Variants in SAMMSON observed in about 807,000 individuals in gnomAD.
SAMMSON encodes the protein long intergenic non-protein coding RNA 1212.
rs117503135 is a variant in SAMMSON, at chr3:70,377,262, T to C, written n.914-12312T>C. Among the ~76,000 whole-genome samples, 276 of 152,276 alleles carry C rather than the reference T, an allele frequency of 1.8e-3. 4 individuals carry two copies. The East Asian group carries it at 0.05, about 27-fold the overall frequency. On this transcript the variant is annotated intron_variant and non_coding_transcript_variant, in intron 9 of 9. Transcript: ENST00000642114. ...AATTTCTAGAAATTAAGATCGGCTA[T>C]AATTTAGCCTGATGCTGGAAATAAT... is the stretch of plus-strand genomic sequence containing the variant.
Position 70,368,348 on chromosome 3 carries a change from G to A in SAMMSON, n.913+10024G>A, listed in dbSNP as rs1345256527. Among the ~76,000 whole-genome samples the A allele has an allele frequency of 2.0e-5, 3 of 151,422 alleles. No individual in the cohort carries two copies. In the East Asian group the frequency reaches 5.8e-4, roughly 29 times the overall value. ...TAATAGTAAATAAATAAAACTATAT[G>A]AGCAGCATGATGTCAATTAAGTTAA... On this transcript the variant is annotated intron_variant and non_coding_transcript_variant, in intron 9 of 9. Transcript: ENST00000642114.
chr3:70,224,575 A>G (rs1367080025), intron 4 of SAMMSON, among the ~76,000 whole-genome samples: 1 of 152,142 alleles, frequency 6.6e-6, no homozygotes, highest in Non-Finnish European at 1.5e-5. Flanking sequence ...AATGCTCACT[A>G]AGTGTCTGAC....
chr3:70,343,006 T>C (rs1475426701), intron 7 of SAMMSON, among the ~76,000 whole-genome samples: 2 of 152,184 alleles, frequency 1.3e-5, no homozygotes, highest in Non-Finnish European at 2.9e-5. Context: ...CCAAGGAAGA[T>C]AGAATTGGAG....
At chr3:70,192,202 A>AT (rs933864840) in intron 4 of SAMMSON, among the ~76,000 whole-genome samples, 6 of 152,142 alleles carry the variant, frequency 3.9e-5, no homozygotes, top group Non-Finnish European at 8.8e-5. Context: ...GGAAAGGAAA[A>AT]TTCCGGAGAG....
chr3:70,192,532 A>G (rs1438345815), intron 4 of SAMMSON, among the ~76,000 whole-genome samples: 3 of 152,134 alleles, frequency 2.0e-5, no homozygotes, highest in African/African-American at 7.2e-5. Flanking sequence ...ATTGTGGCCC[A>G]ATGAATGTCC....
At chr3:70,198,885 G>A (rs550012197) in intron 4 of SAMMSON, among the ~76,000 whole-genome samples, 2 of 152,226 alleles carry the variant, frequency 1.3e-5, no homozygotes, top group African/African-American at 4.8e-5. Flanking sequence ...AAATGCAAGA[G>A]TAAGTTAGTA....
At chr3:70,179,608 A>T (rs879899885) in intron 4 of SAMMSON, among the ~76,000 whole-genome samples, 2 of 152,224 alleles carry the variant, frequency 1.3e-5, no homozygotes, top group Non-Finnish European at 2.9e-5. Context: ...TTTATGGCAG[A>T]GGTGGGTCTT....
At chr3:70,208,773 A>G (rs1044950230) in intron 4 of SAMMSON, among the ~76,000 whole-genome samples, 1 of 152,090 alleles carries the variant, frequency 6.6e-6, no homozygotes, top group African/African-American at 2.4e-5. Context: ...GTCTGGTAAT[A>G]CACAACTGTC....
intron 9 of SAMMSON, among the ~76,000 whole-genome samples, chr3:70,379,451 A>G (rs534546135): frequency 2.0e-4 from 30 of 152,292 alleles, no homozygotes; most frequent in Admixed American, 4.6e-4. Context: ...GAAGGCAGGA[A>G]AAGGAAGCAG....
At chr3:70,077,813 G>A (rs1157416246) in intron 4 of SAMMSON, among the ~76,000 whole-genome samples, 1 of 152,108 alleles carries the variant, frequency 6.6e-6, no homozygotes, top group Non-Finnish European at 1.5e-5. Flanking sequence ...ATTAGTAATA[G>A]ATACGCTGGT....
chr3:70,383,925 A>G (rs761210611), intron 9 of SAMMSON, among the ~76,000 whole-genome samples: 3 of 152,070 alleles, frequency 2.0e-5, no homozygotes, highest in African/African-American at 4.8e-5. Flanking sequence ...TTTTTCTTGT[A>G]TCAGCACTAC....
At chr3:70,093,252 G>A (rs2067311868) in intron 4 of SAMMSON, among the ~76,000 whole-genome samples, 1 of 152,200 alleles carries the variant, frequency 6.6e-6, no homozygotes, top group African/African-American at 2.4e-5. Flanking sequence ...CAGGCAGTGA[G>A]TCAAACATCT....
At chr3:70,061,210 G>A (rs1315344427) in intron 3 of SAMMSON, among the ~76,000 whole-genome samples, 2 of 152,018 alleles carry the variant, frequency 1.3e-5, no homozygotes, top group East Asian at 1.9e-4. Context: ...TTGGGTTTGC[G>A]TGTGTTGTGG....
intron 4 of SAMMSON, among the ~76,000 whole-genome samples, chr3:70,098,113 T>C (rs1009493474): frequency 3.3e-5 from 5 of 152,188 alleles, no homozygotes; most frequent in Non-Finnish European, 7.3e-5. Flanking sequence ...ATTTACCCAC[T>C]TGTGGATTTT....
chr3:70,390,921 G>GT (rs1701041353), downstream of SAMMSON, among the ~76,000 whole-genome samples: 1 of 152,048 alleles, frequency 6.6e-6, no homozygotes, highest in African/African-American at 2.4e-5. Context: ...ACAAAAATTT[G>GT]TAAGTGTTTG....
At chr3:70,348,104 G>T (rs2106733080) in intron 7 of SAMMSON, among the ~76,000 whole-genome samples, 1 of 152,216 alleles carries the variant, frequency 6.6e-6, no homozygotes, top group South Asian at 2.1e-4. Context: ...TAAATGATTG[G>T]AACATACTGA....
chr3:70,002,590 T>C (rs947133271), intron 1 of SAMMSON, among the ~76,000 whole-genome samples: 3 of 152,178 alleles, frequency 2.0e-5, no homozygotes, highest in African/African-American at 7.2e-5. Flanking sequence ...AGAGGATTAT[T>C]ATCAACTATC....
chr3:70,146,937 T>C (rs772165034), intron 4 of SAMMSON, among the ~76,000 whole-genome samples: 3 of 152,038 alleles, frequency 2.0e-5, no homozygotes. Context: ...TCCCAAGGAA[T>C]ATTTAAGATA....
At chr3:70,121,058 C>T (rs892326982) in intron 4 of SAMMSON, among the ~76,000 whole-genome samples, 1 of 152,186 alleles carries the variant, frequency 6.6e-6, no homozygotes, top group Non-Finnish European at 1.5e-5. Flanking sequence ...AGTGACAGAT[C>T]ATCAGGCATT....
Sources: allele counts gnomAD v4.1 joint callset (sites outside exome capture counted in the v4.1 genomes callset), GRCh38; gene constraint gnomAD v4.1.1; transcripts MANE v1.5; gene names NCBI Gene and HGNC (gene_info 2026-07-23, HGNC 2026-07-21).